The following ARPC1A variants were observed in gnomAD, a reference collection of about 807,000 sequenced individuals.
The protein encoded by ARPC1A is actin related protein 2/3 complex subunit 1A, also known as actin-related protein 2/3 complex subunit 1A.
Under a neutral mutation model 46.9 loss-of-function variants are expected in ARPC1A, and 8 were observed. That is an observed-to-expected ratio of 0.17 (90% CI 0.10 to 0.31). The LOEUF (loss-of-function observed/expected upper bound fraction) is 0.31, where lower values mean the gene tolerates loss of function less well. Ranked by LOEUF, ARPC1A falls within the 10% of genes least tolerant of loss-of-function variation. The pLI is 1.00. For missense variants in ARPC1A, 286 were observed against 483.6 expected (o/e 0.59, Z 3.83); for synonymous variants, 152 against 169.0 (o/e 0.90, Z 0.78).
At chr7:99,336,481 A>ATTTTTTTTTTT (rs757908410) in intron 2 of ARPC1A, among the ~76,000 whole-genome samples, 1 of 103,188 alleles carries the variant, frequency 9.7e-6, no homozygotes, top group African/African-American at 4.2e-5. Flanking sequence ...ATAGGTCTTA[A>ATTTTTTTTTTT]TTTTTTTTTT....
At chr7:99,354,288 C>T (rs923311792) in intron 6 of ARPC1A, among the ~76,000 whole-genome samples, 167 bp downstream of exon 6, 15 of 151,284 alleles carry the variant, frequency 9.9e-5, no homozygotes, top group Non-Finnish European at 2.1e-4. Flanking sequence ...TTTGGGAGGC[C>T]GAGGTGGGTG....
intron 3 of ARPC1A, among the ~76,000 whole-genome samples, chr7:99,340,981 T>C (rs1301465647): frequency 6.6e-6 from 1 of 152,214 alleles, no homozygotes; most frequent in Non-Finnish European, 1.5e-5. Flanking sequence ...GCCAGTGGCC[T>C]CATAGCCTAA....
At chr7:99,335,066 A>C (rs571347752) in intron 2 of ARPC1A, among the ~76,000 whole-genome samples, 1 of 152,000 alleles carries the variant, frequency 6.6e-6, no homozygotes, top group Non-Finnish European at 1.5e-5. Context: ...GGATGGTCTC[A>C]ATCTCCTGAC....
At chr7:99,345,379 C>CA (rs1375842658) in intron 4 of ARPC1A, among the ~76,000 whole-genome samples, 3 of 152,156 alleles carry the variant, frequency 2.0e-5, no homozygotes, top group African/African-American at 7.2e-5. Flanking sequence ...CTTGCTGACC[C>CA]AGTCAAAACA....
Position 99,364,552 on chromosome 7 carries a change from G to A in ARPC1A, c.1074+919G>A, listed in dbSNP as rs537658364. ...CTCCCCAAGTGCCAGGATTACAGGC[G>A]TGAGCCACTGCGCCCAGCCAGAGAT... is the stretch of plus-strand genomic sequence containing the variant. On this transcript the variant is annotated intron_variant, in intron 9 of 9. Coordinates refer to ENST00000262942, the MANE Select transcript of ARPC1A (RefSeq NM_006409.4). Among the ~76,000 whole-genome samples, 4 of 152,138 alleles carry A rather than the reference G, an allele frequency of 2.6e-5. No homozygotes were observed. The East Asian group carries it at 7.7e-4, about 29-fold the overall frequency.
chr7:99,359,879 A>G (rs1370815129), intron 8 of ARPC1A, 141 bp downstream of exon 8: 2 of 993,470 alleles, frequency 2.0e-6, no homozygotes, highest in Admixed American at 2.3e-5. Flanking sequence ...AGAAGTCTGT[A>G]TCTTCCCGAC....
intron 5 of ARPC1A, among the ~76,000 whole-genome samples, chr7:99,350,631 CTTTTT>C (rs540737612): frequency 1.0e-4 from 7 of 67,564 alleles, no homozygotes; most frequent in Middle Eastern, 0.015. Context: ...ATGAGGTGCA[CTTTTT>C]TTTTTTTTTT....
intron 8 of ARPC1A, among the ~76,000 whole-genome samples, chr7:99,360,617 G>A (rs1284019428): frequency 3.9e-5 from 6 of 152,082 alleles, no homozygotes; most frequent in African/African-American, 7.2e-5. Context: ...GTAAGCTACC[G>A]TGCCTGGCCT....
chr7:99,352,897 G>C (rs1428999408), intron 5 of ARPC1A, among the ~76,000 whole-genome samples: 1 of 151,922 alleles, frequency 6.6e-6, no homozygotes, highest in South Asian at 2.1e-4. Flanking sequence ...CCAGGAGGCG[G>C]AGGTTGTGGT....
chr7:99,359,501 G>A lies in ARPC1A; in HGVS notation c.790-44G>A, dbSNP rs367597094. On this transcript the variant is annotated intron_variant, in intron 7 of 9. Coordinates refer to ENST00000262942, the MANE Select transcript of ARPC1A (RefSeq NM_006409.4). ...TGAACACTCTGCCAAGGAGGTGGGC[G>A]GTGGGCAGTGCATCCTCCAGGGACT... 1.1e-4 allele frequency: 173 copies of A among 1,598,004 alleles called. No homozygotes were observed. The Middle Eastern group carries it at 1.9e-3, about 18-fold the overall frequency.
At chr7:99,362,286 T>G (rs1793755938) in intron 8 of ARPC1A, among the ~76,000 whole-genome samples, 1 of 148,308 alleles carries the variant, frequency 6.7e-6, no homozygotes. Context: ...AGAGTGAGAC[T>G]CCATCTCAAT....
intron 3 of ARPC1A, among the ~76,000 whole-genome samples, chr7:99,342,329 G>A (rs1373517247): frequency 6.6e-6 from 1 of 152,158 alleles, no homozygotes; most frequent in East Asian, 1.9e-4. Flanking sequence ...GAGGCAGGCA[G>A]ATCACTTGAG....
intron 1 of ARPC1A, among the ~76,000 whole-genome samples, chr7:99,331,237 C>CTACTAAAAA (rs1793139041): frequency 6.6e-6 from 1 of 152,058 alleles, no homozygotes; most frequent in African/African-American, 2.4e-5. Context: ...AACCCCATCT[C>CTACTAAAAA]TACAAAAATT....
intron 3 of ARPC1A, among the ~76,000 whole-genome samples, chr7:99,341,609 C>CAAAAAAAAAAAAAAAAA (rs36066986): frequency 1.1e-5 from 1 of 87,334 alleles, no homozygotes; most frequent in African/African-American, 3.2e-5. Context: ...AACTCTGTCT[C>CAAAAAAAAAAAAAAAAA]AAAAAAAAAA....
intron 2 of ARPC1A, among the ~76,000 whole-genome samples, chr7:99,335,960 GA>G (rs56148288): frequency 0.058 from 7,417 of 128,530 alleles, 249 homozygotes; most frequent in Middle Eastern, 0.15. Context: ...TCTCAAAAAA[GA>G]AAAAAAAAAA....
intron 8 of ARPC1A, chr7:99,359,993 T>G: frequency 3.8e-6 from 2 of 527,610 alleles, no homozygotes; most frequent in South Asian, 4.2e-5. Context: ...GCAGGAGCAG[T>G]GCAGACCTTG....
chr7:99,346,071 C>G (rs765348214), intron 4 of ARPC1A, among the ~76,000 whole-genome samples: 1 of 151,938 alleles, frequency 6.6e-6, no homozygotes, highest in African/African-American at 2.4e-5. Flanking sequence ...AAAAAATTAA[C>G]GGGGTGTGGT....
At chr7:99,340,576 G>A (rs1406834997) in intron 3 of ARPC1A, among the ~76,000 whole-genome samples, 1 of 152,106 alleles carries the variant, frequency 6.6e-6, no homozygotes, top group African/African-American at 2.4e-5. Flanking sequence ...CCCAGGAGCT[G>A]GTACTAAAGG....
At position 99,325,989 on chromosome 7, in the gene ARPC1A, A is replaced by C. The variant is rs1793037481; in HGVS notation, c.-45A>C. On this transcript the variant is annotated 5_prime_UTR_variant, in exon 1 of 10. Transcript: ENST00000262942. ...AATCCTCCGCTCCGAGCCCGTCCGG[A>C]CTCCCCCGATCCCAGGTAACGGCCA... 1 of 151,498 alleles carries C rather than the reference A, an allele frequency of 6.6e-6. No homozygotes were observed. The highest frequency in any genetic ancestry group is 1.5e-5 in the Non-Finnish European group (1 of 67,892). 9.4% of individuals were successfully genotyped at this position (151,498 alleles called of 1,614,324 possible).
Sources: allele counts gnomAD v4.1 joint callset (sites outside exome capture counted in the v4.1 genomes callset), GRCh38; gene constraint gnomAD v4.1.1; transcripts MANE v1.5; gene names NCBI Gene and HGNC (gene_info 2026-07-23, HGNC 2026-07-21).